Variants in NTN1 observed in about 807,000 individuals in gnomAD.
NTN1 encodes the protein netrin 1, also known as netrin-1.
A neutral mutation model predicts 54.2 loss-of-function variants in NTN1; 11 were observed. That is an observed-to-expected ratio of 0.20 (90% CI 0.13 to 0.34). The LOEUF (loss-of-function observed/expected upper bound fraction) is 0.34, where lower values mean the gene tolerates loss of function less well. Among genes scored for constraint, NTN1 ranks in the 10% least tolerant of loss-of-function variants. The pLI is 1.00. For synonymous variants in NTN1, 371 were observed against 382.0 expected (o/e 0.97, Z 0.33); for missense variants, 740 against 893.1 (o/e 0.83, Z 2.18).
intron 6 of NTN1, among the ~76,000 whole-genome samples, chr17:9,232,650 G>A (rs557192567): frequency 1.5e-4 from 23 of 152,298 alleles, no homozygotes; most frequent in African/African-American, 5.3e-4. Context: ...GGACTCCTGA[G>A]GGCAGCGGTG....
chr17:9,170,203 A>G (rs2092383776), intron 3 of NTN1, among the ~76,000 whole-genome samples: 1 of 152,204 alleles, frequency 6.6e-6, no homozygotes, highest in Non-Finnish European at 1.5e-5. Context: ...CTTATCTGCA[A>G]ATGGGAAGAA....
chr17:9,065,829 A>T (rs2092013424), intron 2 of NTN1, among the ~76,000 whole-genome samples: 1 of 152,232 alleles, frequency 6.6e-6, no homozygotes, highest in Admixed American at 6.5e-5. Flanking sequence ...CCAAGAAAAG[A>T]AGGAAAGCTT....
chr17:9,059,640 CA>C (rs1174800392), intron 2 of NTN1, among the ~76,000 whole-genome samples: 1 of 152,006 alleles, frequency 6.6e-6, no homozygotes, highest in East Asian at 1.9e-4. Context: ...TAGTGATTGC[CA>C]GGGGCGGGAG....
chr17:9,039,580 A>T, intron 2 of NTN1, among the ~76,000 whole-genome samples: 1 of 152,208 alleles, frequency 6.6e-6, no homozygotes. Context: ...ACTTATGTAT[A>T]CACCTGTGAA....
chr17:9,215,246 T>TAC (rs1287121158), intron 5 of NTN1, among the ~76,000 whole-genome samples: 2 of 113,024 alleles, frequency 1.8e-5, no homozygotes, highest in East Asian at 6.4e-4. Flanking sequence ...CATAGCTAGA[T>TAC]AGATACACAC....
intron 2 of NTN1, among the ~76,000 whole-genome samples, chr17:9,072,500 A>T (rs922999984): frequency 5.9e-5 from 9 of 151,888 alleles, no homozygotes; most frequent in Admixed American, 3.3e-4. Context: ...GTGGGCGGGG[A>T]TGTGGAGGTG....
intron 2 of NTN1, among the ~76,000 whole-genome samples, chr17:9,111,600 A>G (rs2092191002): frequency 6.6e-6 from 1 of 152,100 alleles, no homozygotes; most frequent in South Asian, 2.1e-4. Flanking sequence ...AAAAATCTGG[A>G]TATTTTTGAC....
At chr17:9,209,695 G>A (rs577689955) in intron 5 of NTN1, among the ~76,000 whole-genome samples, 22 of 152,324 alleles carry the variant, frequency 1.4e-4, no homozygotes, top group African/African-American at 2.6e-4. Context: ...GCGAAGCCCC[G>A]AGGACCCCAG....
intron 2 of NTN1, among the ~76,000 whole-genome samples, chr17:9,045,127 G>T (rs1003881773): frequency 6.6e-6 from 1 of 152,180 alleles, no homozygotes; most frequent in Non-Finnish European, 1.5e-5. Context: ...CTGGGAATAG[G>T]ATTAGAAGCA....
At chr17:9,202,992 G>A (rs554309023) in intron 5 of NTN1, among the ~76,000 whole-genome samples, 14 of 152,016 alleles carry the variant, frequency 9.2e-5, no homozygotes, top group South Asian at 4.1e-4. Flanking sequence ...CGCGATCTCC[G>A]CTCACTGCAA....
chr17:9,201,998 C>T (rs1240713937), intron 5 of NTN1, among the ~76,000 whole-genome samples: 1 of 122,996 alleles, frequency 8.1e-6, no homozygotes, highest in East Asian at 2.7e-4. Flanking sequence ...GCAGCCTGGT[C>T]AATATGGTGA....
At chr17:9,091,928 A>G (rs897843912) in intron 2 of NTN1, among the ~76,000 whole-genome samples, 4 of 151,074 alleles carry the variant, frequency 2.6e-5, no homozygotes, top group Non-Finnish European at 4.4e-5. Context: ...GAATCTGACT[A>G]CTCTAGCTAC....
chr17:9,075,613 G>A (rs1174087248), intron 2 of NTN1, among the ~76,000 whole-genome samples: 1 of 152,226 alleles, frequency 6.6e-6, no homozygotes, highest in East Asian at 1.9e-4. Context: ...AATGAAAGGG[G>A]ACGGCCTGTC....
At chr17:9,092,319 C>CT (rs148786553) in intron 2 of NTN1, among the ~76,000 whole-genome samples, 9,588 of 91,236 alleles carry the variant, frequency 0.11, 588 homozygotes, top group African/African-American at 0.15. Flanking sequence ...CTTTTCTTCT[C>CT]TTTTTTTTTT....
At chr17:9,092,319 C>CTTTTTTTTTTT (rs148786553) in intron 2 of NTN1, among the ~76,000 whole-genome samples, 8 of 91,714 alleles carry the variant, frequency 8.7e-5, no homozygotes, top group African/African-American at 2.4e-4. Flanking sequence ...CTTTTCTTCT[C>CTTTTTTTTTTT]TTTTTTTTTT....
At chr17:9,120,161 T>C (rs1055911470) in intron 2 of NTN1, among the ~76,000 whole-genome samples, 9 of 151,824 alleles carry the variant, frequency 5.9e-5, no homozygotes, top group African/African-American at 2.2e-4. Context: ...GGCGGGCGCC[T>C]GTAGTCCCAG....
In NTN1 at chr17:9,228,908, C is replaced by CTGAT. The variant is rs11281340; in HGVS notation, c.1486+7668_1486+7669insATTG. 8.3e-3 allele frequency among the ~76,000 whole-genome samples: 1,246 copies of CTGAT among 149,606 alleles called. 20 individuals carry two copies. Among genetic ancestry groups the CTGAT allele is most frequent in the African/African-American group, 0.027 (1,082 of 40,418 alleles). On this transcript the variant is annotated intron_variant, in intron 6 of 6. Transcript: ENST00000173229. ...TACGCATGTGTGATTGTGTTCGTGA[C>CTGAT]TGTGTGTGACTGCGTGTGTGACTGG...
intron 5 of NTN1, among the ~76,000 whole-genome samples, chr17:9,193,501 C>T (rs1372056622): frequency 1.3e-5 from 2 of 152,212 alleles, no homozygotes; most frequent in African/African-American, 2.4e-5. Context: ...ATCTCAATGT[C>T]ATTATTATAC....
intron 3 of NTN1, among the ~76,000 whole-genome samples, chr17:9,167,807 A>T (rs1045373848): frequency 6.6e-6 from 1 of 151,608 alleles, no homozygotes; most frequent in African/African-American, 2.4e-5. Context: ...TGTGCAGGGG[A>T]CTCCCCATGA....
Sources: allele counts gnomAD v4.1 joint callset (sites outside exome capture counted in the v4.1 genomes callset), GRCh38; gene constraint gnomAD v4.1.1; transcripts MANE v1.5; gene names NCBI Gene and HGNC (gene_info 2026-07-23, HGNC 2026-07-21).